JAG2: variants seen among roughly 807,000 people sequenced by gnomAD.
JAG2 encodes jagged canonical Notch ligand 2, also known as protein jagged-2.
Under a neutral mutation model 141.7 loss-of-function variants are expected in JAG2, and 46 were observed. The observed-to-expected ratio is 0.32, with a 90% confidence interval of 0.26 to 0.42. The LOEUF is 0.42. Among genes scored for constraint, JAG2 ranks in the 10% least tolerant of loss-of-function variants. The pLI, the probability that JAG2 is intolerant of heterozygous loss-of-function variation, is 1.00. For synonymous variants in JAG2, 862 were observed against 763.5 expected (o/e 1.13, Z -2.13); for missense variants, 1,500 against 1,817.5 (o/e 0.83, Z 3.18).
chr14:105,155,672 AG>A, intron 4 of JAG2, 50 bp from the exon 5 acceptor site: 1 of 1,612,264 alleles, frequency 6.2e-7, no homozygotes. Context: ...CCTGGCCGCA[AG>A]GCCTGTGCCC....
In JAG2 at chr14:105,142,986, C is replaced by G; in HGVS notation, c.3426G>C (p.Gly1142=). The G allele has an allele frequency of 1.2e-6, 2 of 1,609,632 alleles. No homozygotes were observed. Among genetic ancestry groups the G allele is most frequent in the Non-Finnish European group, 1.7e-6 (2 of 1,179,368 alleles). Residue 1142 remains glycine (G), a synonymous_variant, in exon 26 of 26, where the codon GGG becomes GGC. Coordinates refer to ENST00000331782, the MANE Select transcript of JAG2 (RefSeq NM_002226.5). ...ACTGGTAGAGCACGTCCTTGTGGCC[C>G]CCCGGCCGCTCAATGGGGTTGCGGA... ...NPIRNPIERP[G]GHKDVLYQCK...
intron 2 of JAG2, among the ~76,000 whole-genome samples, chr14:105,166,768 T>C (rs1485157028): frequency 6.6e-6 from 1 of 152,208 alleles, no homozygotes; most frequent in Non-Finnish European, 1.5e-5. Flanking sequence ...CACACTCCGG[T>C]GCCTCCTGCT....
At chr14:105,153,444 A>T (rs1270022366) in intron 5 of JAG2, among the ~76,000 whole-genome samples, 1 of 152,192 alleles carries the variant, frequency 6.6e-6, no homozygotes, top group Non-Finnish European at 1.5e-5. Context: ...TCGGCCAGAG[A>T]GCGGCCACAG....
In JAG2 at chr14:105,168,487, G is replaced by T. The variant is rs997837389; in HGVS notation, c.-67C>A. 5 of 395,360 alleles carry T rather than the reference G, an allele frequency of 1.3e-5. No homozygotes were observed. The highest frequency in any genetic ancestry group is 1.1e-4 in the African/African-American group (5 of 45,138). 24.5% of individuals were successfully genotyped at this position (395,360 alleles called of 1,614,324 possible). A position where few individuals can be genotyped will look rare whatever the true frequency, so the allele number is the denominator to read the frequency against. On this transcript the variant is annotated 5_prime_UTR_variant, in exon 1 of 26. Transcript: ENST00000331782. ...GCGCCCGGCTCCCAGCCGCCGCGCC[G>T]GCCTCCCAGCGCCCGCCCGCCCTCC...
Position 105,145,714 on chromosome 14 carries a change from G to A in JAG2, c.2952+17C>T, listed in dbSNP as rs1888200418. 1 of 1,583,762 alleles carries A rather than the reference G, an allele frequency of 6.3e-7. No homozygotes were observed. Among genetic ancestry groups the A allele is most frequent in the Non-Finnish European group, 8.6e-7 (1 of 1,165,666 alleles). On this transcript the variant is annotated intron_variant, in intron 23 of 25. Transcript: ENST00000331782. ...GCGTGTGGCCTCTGCAAGCTCAGAT[G>A]CCACCAGGCCCCTCACCTGGGGCAC...
chr14:105,146,312 G>C (rs1293812354), intron 22 of JAG2, 73 bp downstream of exon 22: 1 of 1,320,608 alleles, frequency 7.6e-7, no homozygotes, highest in African/African-American at 1.4e-5. Flanking sequence ...CCCGCCTCCT[G>C]ATCTCACAGA....
At chr14:105,149,126 C>T (rs375459787) in intron 13 of JAG2, 37 bp from the exon 14 acceptor site, 1 of 1,584,642 alleles carries the variant, frequency 6.3e-7, no homozygotes, top group Non-Finnish European at 8.6e-7. Context: ...CAGGCCCGCC[C>T]CTGCCCCACC....
At chr14:105,168,227 C>A (rs1888984258) in intron 1 of JAG2, 120 bp from the exon 2 acceptor site, 9 of 854,370 alleles carry the variant, frequency 1.1e-5, no homozygotes, top group Non-Finnish European at 1.3e-5. Context: ...CCGCCCGGAG[C>A]CCCAGCCGCC....
chr14:105,154,670 C>T lies in JAG2; in HGVS notation c.788+892G>A, dbSNP rs1024135280. 3.3e-5 allele frequency among the ~76,000 whole-genome samples: 5 copies of T among 152,262 alleles called. No homozygotes were observed. Among genetic ancestry groups the T allele is most frequent in the Admixed American group, 6.5e-5 (1 of 15,302 alleles). ...CTTGGCCTCCCTCCTCTCTGCCTTC[C>T]CCACTTTCCCGTCACCGCCTGAATG... On this transcript the variant is annotated intron_variant, in intron 5 of 25. Coordinates refer to ENST00000331782, the MANE Select transcript of JAG2 (RefSeq NM_002226.5). This position sits in a 1 kb window ranked among gnomAD's most constrained non-coding sequence, Gnocchi z 4.4.
chr14:105,167,014 C>G lies in JAG2; in HGVS notation c.417+743G>C, dbSNP rs1027268799. 9.2e-5 allele frequency among the ~76,000 whole-genome samples: 14 copies of G among 152,158 alleles called. No individual in the cohort carries two copies. The highest frequency in any genetic ancestry group is 1.6e-4 in the Non-Finnish European group (11 of 68,014). ...AGCCCACTGGGATGAGTACCTGTTT[C>G]CCAGTGACACTGGACCCCTACCACC... is the stretch of plus-strand genomic sequence containing the variant. On this transcript the variant is annotated intron_variant, in intron 2 of 25. Coordinates refer to ENST00000331782, the MANE Select transcript of JAG2 (RefSeq NM_002226.5). This position sits in a 1 kb window ranked among gnomAD's most constrained non-coding sequence, Gnocchi z 4.8.
intron 2 of JAG2, among the ~76,000 whole-genome samples, chr14:105,160,503 A>T (rs1320583127): frequency 1.3e-5 from 2 of 151,610 alleles, no homozygotes; most frequent in Non-Finnish European, 2.9e-5. Context: ...CTCTGCCACC[A>T]AGGACGGCAA....
In JAG2 at chr14:105,152,357, C is replaced by G; in HGVS notation, c.789-66G>C. Reference sequence around the variant, plus strand: ...GTGCCTGAAAGGGTGGCAGGGGAGCCAGGCACAGTCACCCACGCCACACCC... The same window carrying G: ...GTGCCTGAAAGGGTGGCAGGGGAGCGAGGCACAGTCACCCACGCCACACCC... On this transcript the variant is annotated intron_variant, in intron 5 of 25. Coordinates refer to ENST00000331782, the MANE Select transcript of JAG2 (RefSeq NM_002226.5). 1.9e-6 allele frequency: 3 copies of G among 1,562,136 alleles called. No individual in the cohort carries two copies. In the South Asian group the frequency reaches 3.4e-5, roughly 18 times the overall value.
intron 2 of JAG2, among the ~76,000 whole-genome samples, chr14:105,166,611 G>A (rs1028093794): frequency 1.3e-5 from 2 of 152,222 alleles, no homozygotes; most frequent in African/African-American, 4.8e-5. Flanking sequence ...AAGCGGTGAG[G>A]ATGGGGGCAG....
Position 105,142,635 on chromosome 14 carries a change from C to T in JAG2, c.*60G>A. 6.7e-6 allele frequency: 9 copies of T among 1,333,350 alleles called. No individual in the cohort carries two copies. Among genetic ancestry groups the T allele is most frequent in the Non-Finnish European group, 9.4e-6 (9 of 960,930 alleles). 82.6% of individuals were successfully genotyped at this position (1,333,350 alleles called of 1,614,324 possible). A position where few individuals can be genotyped will look rare whatever the true frequency, so the allele number is the denominator to read the frequency against. On this transcript the variant is annotated 3_prime_UTR_variant, in exon 26 of 26. Coordinates refer to ENST00000331782, the MANE Select transcript of JAG2 (RefSeq NM_002226.5). ...ATGCACATGGCCTCGGCCTCCGGGTCCGGCAGACGGCATGGCTCCCACCGA... is the reference window on the plus strand; with the variant it reads ...ATGCACATGGCCTCGGCCTCCGGGTTCGGCAGACGGCATGGCTCCCACCGA...
intron 12 of JAG2, 37 bp from the exon 13 acceptor site, chr14:105,149,357 A>C: frequency 6.2e-7 from 1 of 1,611,954 alleles, no homozygotes; most frequent in African/African-American, 1.3e-5. Flanking sequence ...GCCTAGGCCC[A>C]GGCCCAGGCC....
In JAG2 at chr14:105,164,313, G is replaced by A. The variant is rs587615525; in HGVS notation, c.417+3444C>T. On this transcript the variant is annotated intron_variant, in intron 2 of 25. Coordinates refer to ENST00000331782, the MANE Select transcript of JAG2 (RefSeq NM_002226.5). Reference sequence around the variant, plus strand: ...GAACCAGACCCCCAATGTACAAGGCGGACATGCCCTGAGTTCTCCCCAGGG... The same window carrying A: ...GAACCAGACCCCCAATGTACAAGGCAGACATGCCCTGAGTTCTCCCCAGGG... Among the ~76,000 whole-genome samples the A allele has an allele frequency of 1.4e-4, 21 of 152,244 alleles. No homozygotes were observed. The East Asian group carries it at 2.1e-3, about 15-fold the overall frequency.
rs774068774 is a variant in JAG2, at chr14:105,145,864, C to T, written c.2819G>A (p.Arg940Gln). The T allele has an allele frequency of 1.4e-5, 22 of 1,560,194 alleles. No homozygotes were observed. In the African/African-American group the frequency reaches 2.2e-4, roughly 15 times the overall value. The change falls in exon 23 of 26, where the codon CGA (arginine) becomes CAA (glutamine). Residue 940 changes from arginine (R) to glutamine (Q), a missense_variant. Coordinates refer to ENST00000331782, the MANE Select transcript of JAG2 (RefSeq NM_002226.5). ...CLEKAPGQCL[R>Q]PPCEAWGECG... ...CTCCCCCCAGGCCTCACAGGGTGGT[C>T]GCAGACACTGGCCTGGGGCCTTCTC...
chr14:105,155,871 G>T lies in JAG2; in HGVS notation c.594C>A (p.Cys198Ter). 1 of 1,612,162 alleles carries T rather than the reference G, an allele frequency of 6.2e-7. No individual in the cohort carries two copies. Among genetic ancestry groups the T allele is most frequent in the Non-Finnish European group, 8.5e-7 (1 of 1,179,676 alleles). Reference sequence around the variant, plus strand: ...AAGTGGCGCTGTAGTAGTTCTCGTCGCAGCGCACGCGGATCTGCAGCTCCA... The same window carrying T: ...AAGTGGCGCTGTAGTAGTTCTCGTCTCAGCGCACGCGGATCTGCAGCTCCA... ...AHLELQIRVR[C>*]DENYYSATCN... The change falls in exon 4 of 26, where the codon TGC becomes TGA. Residue 198 changes from cysteine (C) to a stop codon, truncating the protein, a stop_gained. Transcript: ENST00000331782. LOFTEE classifies it high-confidence loss of function.
In JAG2 at chr14:105,143,056, G is replaced by C; in HGVS notation, c.3356C>G (p.Pro1119Arg). The C allele has an allele frequency of 1.2e-6, 2 of 1,602,650 alleles. No individual in the cohort carries two copies. Among genetic ancestry groups the C allele is most frequent in the South Asian group, 2.2e-5 (2 of 91,066 alleles). Residue 1119 changes from proline to arginine, a missense_variant, in exon 26 of 26, where the codon CCG becomes CGG. This residue lies in a region of JAG2 where 425 missense variants were observed against 441.0 expected (regional missense o/e 0.96). Coordinates refer to ENST00000331782, the MANE Select transcript of JAG2 (RefSeq NM_002226.5). ...RRKERERSRL[P>R]REESANNQWA... ...CTGGTTGTTGGCGCTCTCCTCCCGCGGCAGCCGGCTCCTCTCCCGCTCTTT... is the reference window on the plus strand; with the variant it reads ...CTGGTTGTTGGCGCTCTCCTCCCGCCGCAGCCGGCTCCTCTCCCGCTCTTT...
Sources: allele counts gnomAD v4.1 joint callset (sites outside exome capture counted in the v4.1 genomes callset), GRCh38; gene constraint gnomAD v4.1.1; regional missense constraint gnomAD v4.1.1; non-coding constraint Gnocchi (gnomAD v3.1); transcripts MANE v1.5; gene names NCBI Gene and HGNC (gene_info 2026-07-23, HGNC 2026-07-21).